The following DOK5 variants were observed in gnomAD, a reference collection of about 807,000 sequenced individuals.
DOK5 encodes docking protein 5.
DOK5 carries 27 observed loss-of-function variants against 43.3 expected under a neutral mutation model. The observed-to-expected ratio is 0.62, with a 90% CI of 0.46 to 0.86. DOK5 has a LOEUF of 0.86. Ranked by LOEUF, DOK5 falls within the 40% of genes least tolerant of loss-of-function variation. DOK5 has a pLI of 0.00. For synonymous variants in DOK5, 146 were observed against 140.1 expected (o/e 1.04, Z -0.30); for missense variants, 373 against 392.9 (o/e 0.95, Z 0.43).
chr20:54,561,262 G>T (rs1052753716), intron 2 of DOK5, among the ~76,000 whole-genome samples: 4 of 152,144 alleles, frequency 2.6e-5, no homozygotes, highest in Non-Finnish European at 4.4e-5. Flanking sequence ...CATGGTGGTG[G>T]CAGGTTCTGT....
intron 1 of DOK5, among the ~76,000 whole-genome samples, chr20:54,550,631 T>A (rs1462688032): frequency 6.6e-6 from 1 of 152,252 alleles, no homozygotes; most frequent in Admixed American, 6.5e-5. Flanking sequence ...ACAAATGCAA[T>A]CATGTAGTAT....
At chr20:54,606,448 T>C (rs1451602003) in intron 5 of DOK5, among the ~76,000 whole-genome samples, 3 of 152,206 alleles carry the variant, frequency 2.0e-5, no homozygotes, top group African/African-American at 7.2e-5. Flanking sequence ...GCTTTGCTAT[T>C]CTGCTAAAGG....
chr20:54,510,412 GA>G (rs1982976049), intron 1 of DOK5, among the ~76,000 whole-genome samples: 1 of 152,064 alleles, frequency 6.6e-6, no homozygotes, highest in Admixed American at 6.6e-5. Context: ...TAGATTTAAA[GA>G]GAGAAGAAAA....
At chr20:54,530,844 C>T (rs1015427222) in intron 1 of DOK5, among the ~76,000 whole-genome samples, 6 of 152,032 alleles carry the variant, frequency 3.9e-5, no homozygotes, top group Admixed American at 6.6e-5. Context: ...CCCATTATTT[C>T]CCAAATGTAA....
chr20:54,634,963 A>G (rs1169315727), intron 6 of DOK5, among the ~76,000 whole-genome samples: 4 of 152,324 alleles, frequency 2.6e-5, no homozygotes, highest in Non-Finnish European at 2.9e-5. Context: ...GATACCAAAA[A>G]TAAAATTCTA....
chr20:54,492,544 T>C (rs944271039), intron 1 of DOK5, among the ~76,000 whole-genome samples: 3 of 152,184 alleles, frequency 2.0e-5, no homozygotes, highest in African/African-American at 7.2e-5. Context: ...TACATGATAC[T>C]GTATTTCTAA....
chr20:54,635,704 T>G (rs1489495111), intron 6 of DOK5, among the ~76,000 whole-genome samples: 1 of 152,198 alleles, frequency 6.6e-6, no homozygotes, highest in African/African-American at 2.4e-5. Context: ...TGGGCAGATG[T>G]TCTCAGGATC....
intron 2 of DOK5, among the ~76,000 whole-genome samples, chr20:54,556,306 C>A (rs963741902): frequency 8.5e-5 from 13 of 152,184 alleles, no homozygotes; most frequent in African/African-American, 3.1e-4. Flanking sequence ...TTTCCTCTAT[C>A]ATTTATCTGT....
chr20:54,493,094 T>C (rs1176847647), intron 1 of DOK5, among the ~76,000 whole-genome samples: 1 of 148,982 alleles, frequency 6.7e-6, no homozygotes, highest in Non-Finnish European at 1.5e-5. Context: ...GATGTGTTTG[T>C]CCCTCTGCTC....
At chr20:54,572,801 A>G (rs937587383) in intron 2 of DOK5, among the ~76,000 whole-genome samples, 7 of 151,996 alleles carry the variant, frequency 4.6e-5, no homozygotes, top group South Asian at 2.1e-4. Flanking sequence ...CATTCTCTGG[A>G]GTTCGCCTGC....
At chr20:54,493,799 T>G (rs1982287783) in intron 1 of DOK5, among the ~76,000 whole-genome samples, 2 of 151,906 alleles carry the variant, frequency 1.3e-5, no homozygotes, top group African/African-American at 2.4e-5. Context: ...CTTTGTTGGG[T>G]GTGGTGGCTG....
chr20:54,603,139 T>C (rs185399598), intron 5 of DOK5, among the ~76,000 whole-genome samples: 1 of 152,340 alleles, frequency 6.6e-6, no homozygotes, highest in African/African-American at 2.4e-5. Context: ...ATCATGAAAG[T>C]TGTTTGTGAA....
intron 6 of DOK5, among the ~76,000 whole-genome samples, chr20:54,629,262 T>G (rs1429978207): frequency 6.6e-6 from 1 of 152,222 alleles, no homozygotes; most frequent in Non-Finnish European, 1.5e-5. Flanking sequence ...CCTCAGTGCC[T>G]CATCCACAGA....
Position 54,650,463 on chromosome 20 carries a change from A to G in DOK5, c.905A>G (p.Tyr302Cys), listed in dbSNP as rs1414356922. ...KLHRTETFPA[Y>C]RSEH ...CATCGAACAGAGACTTTTCCAGCCTACAGATCTGAGCACTGACAGTAACTG... is the reference window on the plus strand; with the variant it reads ...CATCGAACAGAGACTTTTCCAGCCTGCAGATCTGAGCACTGACAGTAACTG... The change falls in exon 8 of 8, where the codon TAC becomes TGC. Residue 302 changes from tyrosine (Y) to cysteine (C), a missense_variant. Tyr to Cys is a radical substitution (Grantham distance 194, BLOSUM62 -2). Transcript: ENST00000262593. 1.9e-6 allele frequency: 3 copies of G among 1,613,952 alleles called. No homozygotes were observed. The highest frequency in any genetic ancestry group is 2.2e-5 in the East Asian group (1 of 44,880).
chr20:54,559,125 C>T (rs961368182), intron 2 of DOK5, among the ~76,000 whole-genome samples: 1 of 152,132 alleles, frequency 6.6e-6, no homozygotes, highest in Non-Finnish European at 1.5e-5. Context: ...ACACTAGTTC[C>T]ATGTTTTCCT....
chr20:54,638,122 G>GGA (rs567323339), intron 6 of DOK5, among the ~76,000 whole-genome samples: 5 of 130,112 alleles, frequency 3.8e-5, no homozygotes, highest in East Asian at 4.4e-4. Flanking sequence ...ACTCTGTCTC[G>GGA]AAAAAAAAAA....
intron 6 of DOK5, among the ~76,000 whole-genome samples, chr20:54,619,521 T>C (rs1464698319): frequency 6.6e-6 from 1 of 152,198 alleles, no homozygotes; most frequent in Non-Finnish European, 1.5e-5. Context: ...GAAGAATGCC[T>C]GCTTTTAACA....
rs566063930 is a variant in DOK5, at chr20:54,624,268, G to T, written c.735+13745G>T. Among the ~76,000 whole-genome samples, 21 of 152,316 alleles carry T rather than the reference G, an allele frequency of 1.4e-4. No homozygotes were observed. The South Asian group carries it at 4.1e-3, about 30-fold the overall frequency. On this transcript the variant is annotated intron_variant, in intron 6 of 7. Transcript: ENST00000262593. ...ATGTGCTTGGCATCTTGTCACAAAA[G>T]CACCTGCTTCCACTGAGTGTGAGCC... is the stretch of plus-strand genomic sequence containing the variant.
rs150359512 is a variant in DOK5 at position 54,511,245 on chromosome 20, A to T, written c.66+35233A>T. On this transcript the variant is annotated intron_variant, in intron 1 of 7. Coordinates refer to ENST00000262593, the MANE Select transcript of DOK5 (RefSeq NM_018431.5). ...ACATTTACCCATCTTTAAAATGGGG[A>T]TATACTACATAGAGCTGTTGTATCA... 3.3e-4 allele frequency among the ~76,000 whole-genome samples: 50 copies of T among 152,286 alleles called. No individual in the cohort carries two copies. In the East Asian group the frequency reaches 9.1e-3, roughly 28 times the overall value.
Sources: gnomAD v4.1 joint callset for allele counts (sites outside exome capture counted in the v4.1 genomes callset) on GRCh38, gnomAD v4.1.1 for gene constraint, MANE v1.5 for transcripts, NCBI Gene and HGNC (gene_info 2026-07-23, HGNC 2026-07-21) for gene names.